Variants in DTHD1 observed in about 807,000 individuals in gnomAD.
DTHD1 encodes the protein death domain-containing protein 1.
Under a neutral mutation model 74.8 loss-of-function variants are expected in DTHD1, and 59 were observed. The observed-to-expected ratio is 0.79, with a 90% CI of 0.64 to 0.98. DTHD1 has a LOEUF of 0.98. DTHD1 is among the 50% of genes least tolerant of loss of function. DTHD1 has a pLI of 0.00. For synonymous variants in DTHD1, 365 were observed against 371.1 expected (o/e 0.98, Z 0.19); for missense variants, 1,051 against 1,065.4 (o/e 0.99, Z 0.19).
chr4:36,320,205 T>C (rs897027313), intron 8 of DTHD1, among the ~76,000 whole-genome samples: 4 of 152,238 alleles, frequency 2.6e-5, no homozygotes, highest in African/African-American at 9.6e-5. Flanking sequence ...ATCTGTGTTT[T>C]ATACATCTGA....
At chr4:36,334,121 A>T (rs375061691) in intron 8 of DTHD1, among the ~76,000 whole-genome samples, 1 of 152,046 alleles carries the variant, frequency 6.6e-6, no homozygotes, top group African/African-American at 2.4e-5. Context: ...CCATGTACTC[A>T]TTGGGATATA....
chr4:36,328,500 G>A (rs577968819), intron 8 of DTHD1, among the ~76,000 whole-genome samples: 1 of 147,178 alleles, frequency 6.8e-6, no homozygotes, highest in Non-Finnish European at 1.5e-5. Flanking sequence ...GCATGCCTGT[G>A]GGCATGCACG....
In DTHD1 at chr4:36,347,115, T is replaced by C. The variant is rs888676838; in HGVS notation, c.*3291T>C. Among the ~76,000 whole-genome samples the C allele has an allele frequency of 1.3e-5, 2 of 152,198 alleles. No individual in the cohort carries two copies. The highest frequency in any genetic ancestry group is 2.9e-5 in the Non-Finnish European group (2 of 68,032). Reference sequence around the variant, plus strand: ...CCCAGAATGGGAGTCATATATTATATATACAGTTTTTAAAATTACTGTCTT... The same window carrying C: ...CCCAGAATGGGAGTCATATATTATACATACAGTTTTTAAAATTACTGTCTT... On this transcript the variant is annotated 3_prime_UTR_variant, in exon 10 of 10. Coordinates refer to ENST00000639862, the MANE Select transcript of DTHD1 (RefSeq NM_001170700.3).
chr4:36,338,448 C>G (rs1452333002), intron 8 of DTHD1, among the ~76,000 whole-genome samples: 7 of 151,878 alleles, frequency 4.6e-5, no homozygotes, highest in African/African-American at 9.7e-5. Context: ...ATGTAGGCAT[C>G]CATAAAGACA....
chr4:36,329,950 T>C (rs926368617), intron 8 of DTHD1, among the ~76,000 whole-genome samples: 1 of 152,218 alleles, frequency 6.6e-6, no homozygotes, highest in Non-Finnish European at 1.5e-5. Flanking sequence ...TTCCCACTTA[T>C]GGTTTAAATA....
intron 2 of DTHD1, among the ~76,000 whole-genome samples, chr4:36,287,513 C>T (rs922138627): frequency 5.3e-5 from 8 of 152,126 alleles, no homozygotes; most frequent in South Asian, 2.1e-4. Context: ...GTAGTGGGAT[C>T]GCTGGATTGA....
chr4:36,324,752 A>C (rs1207107734), intron 8 of DTHD1, among the ~76,000 whole-genome samples: 1 of 152,246 alleles, frequency 6.6e-6, no homozygotes, highest in Non-Finnish European at 1.5e-5. Flanking sequence ...AAAGTTATAA[A>C]ACAAAGCAAG....
Position 36,346,666 on chromosome 4 carries a change from C to T in DTHD1, c.*2842C>T, listed in dbSNP as rs1043478156. ...CTGGTGAGCCAACCTGTATGGACCACATCAGAGATGCCTTGTTCGCTTTTG... is the reference window on the plus strand; with the variant it reads ...CTGGTGAGCCAACCTGTATGGACCATATCAGAGATGCCTTGTTCGCTTTTG... On this transcript the variant is annotated 3_prime_UTR_variant, in exon 10 of 10. Coordinates refer to ENST00000639862, the MANE Select transcript of DTHD1 (RefSeq NM_001170700.3). Among the ~76,000 whole-genome samples, 2 of 151,954 alleles carry T rather than the reference C, an allele frequency of 1.3e-5. No individual in the cohort carries two copies. Among genetic ancestry groups the T allele is most frequent in the African/African-American group, 4.8e-5 (2 of 41,356 alleles).
chr4:36,317,911 A>G (rs1757821971), intron 8 of DTHD1, among the ~76,000 whole-genome samples: 1 of 152,240 alleles, frequency 6.6e-6, no homozygotes, highest in Non-Finnish European at 1.5e-5. Flanking sequence ...GACAGTGGAA[A>G]TGAAGAAAAA....
At position 36,293,620 on chromosome 4, in the gene DTHD1, TC is replaced by T; in HGVS notation, c.1314del (p.Ala439LeufsTer12). On this transcript the variant is annotated frameshift_variant, in exon 4 of 10. Transcript: ENST00000639862. LOFTEE classifies it high-confidence loss of function. ...TCGTTCACAGTAACAAAGAAAGGCC[TC>T]GCTCTTAAGTCAAGCATGGATTCCC... ...KESFTVTKKG[L>X]ALKSSMDSRI... 1 of 1,549,284 alleles carries T rather than the reference TC, an allele frequency of 6.5e-7. No individual in the cohort carries two copies. Among genetic ancestry groups the T allele is most frequent in the Middle Eastern group, 1.7e-4 (1 of 5,978 alleles).
At chr4:36,324,871 G>A (rs1377801883) in intron 8 of DTHD1, among the ~76,000 whole-genome samples, 2 of 152,188 alleles carry the variant, frequency 1.3e-5, no homozygotes, top group East Asian at 1.9e-4. Flanking sequence ...TTCAGAGAAG[G>A]GGGTGAACGC....
Position 36,345,758 on chromosome 4 carries a change from C to G in DTHD1, c.*1934C>G, listed in dbSNP as rs974652839. 2.0e-5 allele frequency: 3 copies of G among 152,118 alleles called. No individual in the cohort carries two copies. The highest frequency in any genetic ancestry group is 7.2e-5 in the African/African-American group (3 of 41,420). The allele number at this position is 152,118 out of a possible 1,614,324, so 9.4% of individuals were successfully genotyped here. A position where few individuals can be genotyped will look rare whatever the true frequency, so the allele number is the denominator to read the frequency against. ...AAAGAAAATGAAAGTTGCTTCTTAT[C>G]CTGTCATTAGAGATTACTATTATTA... On this transcript the variant is annotated 3_prime_UTR_variant, in exon 10 of 10. Coordinates refer to ENST00000639862, the MANE Select transcript of DTHD1 (RefSeq NM_001170700.3).
At chr4:36,322,043 G>T (rs906578687) in intron 8 of DTHD1, among the ~76,000 whole-genome samples, 1 of 151,986 alleles carries the variant, frequency 6.6e-6, no homozygotes, top group African/African-American at 2.4e-5. Flanking sequence ...TTCTCTCTGT[G>T]GTTTACCCTG....
intron 5 of DTHD1, among the ~76,000 whole-genome samples, chr4:36,300,823 G>A (rs1756726143): frequency 6.6e-6 from 1 of 152,142 alleles, no homozygotes; most frequent in African/African-American, 2.4e-5. Context: ...GAGTAAAATT[G>A]TTTCAGTGAA....
Position 36,347,242 on chromosome 4 carries a change from A to C in DTHD1, c.*3418A>C, listed in dbSNP as rs1486724259. Among the ~76,000 whole-genome samples the C allele has an allele frequency of 1.3e-5, 2 of 152,144 alleles. No individual in the cohort carries two copies. Among genetic ancestry groups the C allele is most frequent in the Non-Finnish European group, 1.5e-5 (1 of 68,024 alleles). On this transcript the variant is annotated 3_prime_UTR_variant, in exon 10 of 10. Transcript: ENST00000639862. ...TAATTTTAGTATAATCAATTTCTGA[A>C]ATTGGTTAAAATGAAATTTTGCAGT...
intron 8 of DTHD1, among the ~76,000 whole-genome samples, chr4:36,319,317 G>T (rs1757927351): frequency 2.0e-5 from 3 of 152,182 alleles, no homozygotes; most frequent in Admixed American, 2.0e-4. Flanking sequence ...GTCTATAGCT[G>T]TCTCCAGATT....
chr4:36,337,185 A>G (rs1759058047), intron 8 of DTHD1, among the ~76,000 whole-genome samples: 3 of 152,094 alleles, frequency 2.0e-5, no homozygotes, highest in Admixed American at 2.0e-4. Flanking sequence ...GGGCATGGAG[A>G]GGAGGAAAAT....
chr4:36,308,585 C>T (rs1477804407), intron 7 of DTHD1, 92 bp downstream of exon 7: 1 of 1,048,338 alleles, frequency 9.5e-7, no homozygotes, highest in East Asian at 2.6e-5. Context: ...CTAAGGAAAC[C>T]TTCAGAGGAT....
In DTHD1 at chr4:36,290,370, C is replaced by T. The variant is rs1578437160; in HGVS notation, c.888-3C>T. The T allele has an allele frequency of 1.3e-6, 2 of 1,538,768 alleles. No individual in the cohort carries two copies. Among genetic ancestry groups the T allele is most frequent in the East Asian group, 4.9e-5 (2 of 40,680 alleles). The stretch of plus-strand genomic sequence containing the variant: ...AAAAATGACATTCTTTTTCCCCCTC[C>T]AGGTATCTTGATGTGCTGAGTGATG... On this transcript the variant is annotated splice_polypyrimidine_tract_variant and splice_region_variant and intron_variant, in intron 2 of 9. Transcript: ENST00000639862.
Sources: gnomAD v4.1 joint callset for allele counts (sites outside exome capture counted in the v4.1 genomes callset) on GRCh38, gnomAD v4.1.1 for gene constraint, MANE v1.5 for transcripts, NCBI Gene and HGNC (gene_info 2026-07-23, HGNC 2026-07-21) for gene names.